The following SORCS2 variants were observed in gnomAD, a reference collection of about 807,000 sequenced individuals.
SORCS2 encodes the protein VPS10 domain-containing receptor SorCS2.
A neutral mutation model predicts 141.6 loss-of-function variants in SORCS2; 100 were observed. The ratio of observed to expected loss-of-function variants is 0.71; its 90% CI spans 0.60 to 0.83. The LOEUF is 0.83. Among genes scored for constraint, SORCS2 ranks in the 40% least tolerant of loss-of-function variants. The pLI is 0.00. For synonymous variants in SORCS2, 789 were observed against 676.9 expected, an observed-to-expected ratio of 1.17 and a Z score of -2.57; for missense variants, 1,646 against 1,560.2, an observed-to-expected ratio of 1.05 and a Z score of -0.93.
chr4:7,628,288 C>T (rs977733536), intron 3 of SORCS2, among the ~76,000 whole-genome samples: 4 of 152,004 alleles, frequency 2.6e-5, no homozygotes, highest in South Asian at 2.1e-4. Context: ...CTTCGGAGGC[C>T]GAGGCGGGCG....
At position 7,678,048 on chromosome 4, in the gene SORCS2, C is replaced by A. The variant is rs544156994; in HGVS notation, c.1341+1819C>A. On this transcript the variant is annotated intron_variant, in intron 9 of 26. Transcript: ENST00000507866. Reference sequence around the variant, plus strand: ...GATGCCTGCACCACCGCATGCCATGCTCTGGTCCCTGCCCTCGGGACACAG... The same window carrying A: ...GATGCCTGCACCACCGCATGCCATGATCTGGTCCCTGCCCTCGGGACACAG... Among the ~76,000 whole-genome samples, 27 of 152,226 alleles carry A rather than the reference C, an allele frequency of 1.8e-4. 1 individual carries two copies. The highest frequency in any genetic ancestry group is 1.3e-4 in the Admixed American group (2 of 15,288).
At chr4:7,445,027 C>T (rs1174712745) in intron 2 of SORCS2, among the ~76,000 whole-genome samples, 2 of 137,238 alleles carry the variant, frequency 1.5e-5, no homozygotes, top group East Asian at 2.5e-4. Context: ...AGAGGGAGGG[C>T]GGGGAGGGAT....
At chr4:7,530,776 T>G (rs2109542407) in intron 2 of SORCS2, among the ~76,000 whole-genome samples, 1 of 152,374 alleles carries the variant, frequency 6.6e-6, no homozygotes, top group African/African-American at 2.4e-5. Context: ...CTCTTCTTGC[T>G]GGGCAGCCAA....
chr4:7,567,046 C>T (rs1269995460), intron 3 of SORCS2, among the ~76,000 whole-genome samples: 1 of 152,248 alleles, frequency 6.6e-6, no homozygotes, highest in Non-Finnish European at 1.5e-5. Flanking sequence ...GGTCTACTGA[C>T]TCCAACACCC....
chr4:7,395,865 A>C lies in SORCS2; in HGVS notation c.481-423A>C, dbSNP rs1724177251. On this transcript the variant is annotated intron_variant, in intron 1 of 26. Coordinates refer to ENST00000507866, the MANE Select transcript of SORCS2 (RefSeq NM_020777.3). ...CCCAGCAGCTGTTTCCAGCAGGCTT[A>C]GGGGATCCTCTAACGCGCTGGTGGA... 2.0e-5 allele frequency among the ~76,000 whole-genome samples: 3 copies of C among 152,258 alleles called. No individual in the cohort carries two copies. In the South Asian group the frequency reaches 6.2e-4, roughly 32 times the overall value.
At chr4:7,380,323 A>C (rs62280085) in intron 1 of SORCS2, among the ~76,000 whole-genome samples, 1 of 152,162 alleles carries the variant, frequency 6.6e-6, no homozygotes, top group Non-Finnish European at 1.5e-5. Flanking sequence ...GTGGTTTCAT[A>C]GAGAAGCTGA....
chr4:7,710,799 C>A (rs1239242227), intron 14 of SORCS2, among the ~76,000 whole-genome samples: 2 of 152,232 alleles, frequency 1.3e-5, no homozygotes, highest in Non-Finnish European at 2.9e-5. Context: ...CACAGCCGTA[C>A]CTGGGGGCCT....
intron 2 of SORCS2, among the ~76,000 whole-genome samples, chr4:7,407,906 T>C (rs1360795442): frequency 2.0e-5 from 3 of 151,852 alleles, no homozygotes; most frequent in Non-Finnish European, 4.4e-5. Flanking sequence ...TATTTTAAAG[T>C]GATAATAATT....
chr4:7,357,885 TTCTG>T (rs1721349342), intron 1 of SORCS2, among the ~76,000 whole-genome samples: 1 of 152,292 alleles, frequency 6.6e-6, no homozygotes, highest in East Asian at 1.9e-4. Flanking sequence ...AAGCAGCAGA[TTCTG>T]TCTGTCTAAA....
chr4:7,228,294 T>A (rs1711558364), intron 1 of SORCS2, among the ~76,000 whole-genome samples: 1 of 152,162 alleles, frequency 6.6e-6, no homozygotes. Flanking sequence ...AAAGGTCCTG[T>A]CTCCAAATAA....
intron 2 of SORCS2, among the ~76,000 whole-genome samples, chr4:7,488,491 C>T (rs1041809254): frequency 2.0e-5 from 3 of 152,306 alleles, no homozygotes; most frequent in East Asian, 3.9e-4. Flanking sequence ...TACCTGGGCT[C>T]GACACACCCA....
intron 2 of SORCS2, among the ~76,000 whole-genome samples, chr4:7,510,729 C>CTGGCGCCTTGTT (rs1163671439): frequency 2.6e-5 from 4 of 152,214 alleles, no homozygotes; most frequent in South Asian, 2.1e-4. Context: ...GACCCCGGGG[C>CTGGCGCCTTGTT]CTGGGCACGT....
chr4:7,440,177 C>T (rs562831201), intron 2 of SORCS2, among the ~76,000 whole-genome samples: 11 of 152,272 alleles, frequency 7.2e-5, no homozygotes, highest in East Asian at 5.8e-4. Flanking sequence ...CAAGTAAAGA[C>T]GAGCCTGGCC....
At chr4:7,676,803 GTC>G (rs1182959755) in intron 9 of SORCS2, among the ~76,000 whole-genome samples, 10 of 37,214 alleles carry the variant, frequency 2.7e-4, no homozygotes, top group South Asian at 1.1e-3. Flanking sequence ...CTGCCTTTCT[GTC>G]TCTCTCTCTC....
At chr4:7,303,109 A>G (rs1039209621) in intron 1 of SORCS2, among the ~76,000 whole-genome samples, 8 of 152,180 alleles carry the variant, frequency 5.3e-5, no homozygotes, top group Admixed American at 1.3e-4. Context: ...CGAGGTAATA[A>G]AAAGCAAACC....
At chr4:7,658,345 G>T (rs1335829303) in intron 5 of SORCS2, among the ~76,000 whole-genome samples, 1 of 152,224 alleles carries the variant, frequency 6.6e-6, no homozygotes. Flanking sequence ...ATGAATGAGT[G>T]AGGGCAGAGG....
chr4:7,429,280 C>A (rs534483668), intron 2 of SORCS2, among the ~76,000 whole-genome samples: 2 of 152,144 alleles, frequency 1.3e-5, no homozygotes, highest in Non-Finnish European at 2.9e-5. Flanking sequence ...CCCAGCTCCC[C>A]GGAGATGTGG....
chr4:7,460,834 C>T (rs1035486721), intron 2 of SORCS2, among the ~76,000 whole-genome samples: 3 of 152,162 alleles, frequency 2.0e-5, no homozygotes, highest in East Asian at 1.9e-4. Context: ...GTGACCCTGC[C>T]GTGAACTCAC....
rs982963257 is a variant in SORCS2, at chr4:7,224,947, C to T, written c.480+31821C>T. The stretch of plus-strand genomic sequence containing the variant: ...CATCTTTGCTTTGGTGTAAACAGAC[C>T]GGTCTTCTCTCTACCTCATGGAGAG... On this transcript the variant is annotated intron_variant, in intron 1 of 26. Transcript: ENST00000507866. Among the ~76,000 whole-genome samples, 25 of 152,306 alleles carry T rather than the reference C, an allele frequency of 1.6e-4. 1 individual carries two copies. The highest frequency in any genetic ancestry group is 2.5e-4 in the Non-Finnish European group (17 of 68,024).
Sources: allele counts gnomAD v4.1 joint callset (sites outside exome capture counted in the v4.1 genomes callset), GRCh38; gene constraint gnomAD v4.1.1; transcripts MANE v1.5; gene names NCBI Gene and HGNC (gene_info 2026-07-23, HGNC 2026-07-21).